TP73: variants seen among roughly 807,000 people sequenced by gnomAD.
TP73 encodes tumor protein p73.
Under a neutral mutation model 62.5 loss-of-function variants are expected in TP73, and 25 were observed. That is an observed-to-expected ratio of 0.40 (90% CI 0.29 to 0.56). The LOEUF (loss-of-function observed/expected upper bound fraction) is 0.56. TP73 is among the 20% of genes least tolerant of loss of function. The probability of loss-of-function intolerance (pLI) is 0.46; values close to 1 mark genes in which losing one functional copy is unlikely to be tolerated. For synonymous variants in TP73, 423 were observed against 377.5 expected (o/e 1.12, Z -1.40); for missense variants, 754 against 913.3 (o/e 0.83, Z 2.25).
Position 3,701,187 on chromosome 1 carries a change from CCCCGACCCCTGTGAGCA to C in TP73, c.187-6359_187-6343del, listed in dbSNP as rs1364767315. On this transcript the variant is annotated intron_variant, in intron 3 of 13. Coordinates refer to ENST00000378295, the MANE Select transcript of TP73 (RefSeq NM_005427.4). The surrounding 1 kb of genome is among the most constrained non-coding windows in gnomAD (Gnocchi z 4.7). ...TGGACACCTCGGGGAACAGGAGAGA[CCCCGACCCCTGTGAGCA>C]CCTGCCCCCGAGAGCACCTGCTCTT... is the stretch of plus-strand genomic sequence containing the variant. Among the ~76,000 whole-genome samples the C allele has an allele frequency of 6.6e-6, 1 of 152,160 alleles. No individual in the cohort carries two copies. Among genetic ancestry groups the C allele is most frequent in the Admixed American group, 6.5e-5 (1 of 15,282 alleles).
chr1:3,733,228 A>T lies in TP73; in HGVS notation c.*149A>T, dbSNP rs933284764. ...GGTCCGGCCCATCCCCAGGCACCTC[A>T]CAGGCCCCAGGAAAGGCCCAGCCAC... On this transcript the variant is annotated 3_prime_UTR_variant, in exon 14 of 14. Coordinates refer to ENST00000378295, the MANE Select transcript of TP73 (RefSeq NM_005427.4). 3.1e-6 allele frequency: 3 copies of T among 980,546 alleles called. No individual in the cohort carries two copies. The highest frequency in any genetic ancestry group is 2.9e-6 in the Non-Finnish European group (2 of 683,954). The allele number at this position is 980,546 out of a possible 1,614,324, so 60.7% of individuals were successfully genotyped here. A position where few individuals can be genotyped will look rare whatever the true frequency, so the allele number is the denominator to read the frequency against.
In TP73 at chr1:3,707,726, C is replaced by T. The variant is rs770462171; in HGVS notation, c.364C>T (p.Pro122Ser). 6.2e-7 allele frequency: 1 copy of T among 1,613,300 alleles called. No homozygotes were observed. The highest frequency in any genetic ancestry group is 8.5e-7 in the Non-Finnish European group (1 of 1,179,956). ...APVIPSNTDYPGPHHFEVTFQ... is the reference protein window; with the variant it reads ...APVIPSNTDYSGPHHFEVTFQ... ...TGTCATCCCCTCCAACACCGACTAC[C>T]CCGGACCCCACCACTTTGAGGTCAC... Residue 122 changes from proline (P) to serine (S), a missense_variant, in exon 4 of 14, where the codon CCC (proline) becomes TCC (serine). Around this residue, in one of 3 missense-constraint regions of TP73, gnomAD observed 235 missense variants for 251.4 expected, o/e 0.93. Transcript: ENST00000378295.
At chr1:3,664,415 G>C (rs1645066742) in intron 1 of TP73, among the ~76,000 whole-genome samples, 2 of 152,242 alleles carry the variant, frequency 1.3e-5, no homozygotes, top group Admixed American at 1.3e-4. Context: ...GGGGAAGGCT[G>C]GGCTGAGGGG....
At chr1:3,690,468 C>T (rs532168063) in intron 3 of TP73, among the ~76,000 whole-genome samples, 2 of 152,278 alleles carry the variant, frequency 1.3e-5, no homozygotes, top group South Asian at 2.1e-4. Context: ...GGGCCTGGGG[C>T]CCCCCGAGCC....
chr1:3,685,143 G>A (rs1645620699), intron 3 of TP73, among the ~76,000 whole-genome samples: 1 of 152,178 alleles, frequency 6.6e-6, no homozygotes, highest in African/African-American at 2.4e-5. Context: ...CCCTGCAGAG[G>A]GCAGAAGGCC....
At chr1:3,726,802 T>C (rs1641669076) in intron 6 of TP73, among the ~76,000 whole-genome samples, 1 of 134,856 alleles carries the variant, frequency 7.4e-6, no homozygotes, top group African/African-American at 2.9e-5. Flanking sequence ...GGGTAGATAA[T>C]AAATGGGGGA....
chr1:3,660,987 CTT>C (rs746417424), intron 1 of TP73, among the ~76,000 whole-genome samples: 9 of 152,280 alleles, frequency 5.9e-5, no homozygotes, highest in South Asian at 4.1e-4. Flanking sequence ...TTCTGGAACT[CTT>C]ATATGAATAT....
At chr1:3,707,475 A>G in intron 3 of TP73, 74 bp from the exon 4 acceptor site, 1 of 1,542,932 alleles carries the variant, frequency 6.5e-7, no homozygotes, top group Non-Finnish European at 8.8e-7. Context: ...CTCCTGTAAC[A>G]GGACACCTCC....
intron 3 of TP73, among the ~76,000 whole-genome samples, chr1:3,693,761 A>G (rs1476138739): frequency 7.4e-6 from 1 of 134,924 alleles, no homozygotes; most frequent in Non-Finnish European, 1.6e-5. Flanking sequence ...TCCTCCCACA[A>G]TCCCACCCAT....
chr1:3,692,964 A>G (rs528840726), intron 3 of TP73, among the ~76,000 whole-genome samples: 2 of 152,180 alleles, frequency 1.3e-5, no homozygotes, highest in South Asian at 4.2e-4. Flanking sequence ...CTGTGCCATC[A>G]CTGTTTCTTT....
intron 3 of TP73, among the ~76,000 whole-genome samples, chr1:3,691,138 C>T (rs778880069): frequency 5.9e-5 from 9 of 152,096 alleles, no homozygotes; most frequent in Non-Finnish European, 8.8e-5. Flanking sequence ...CAAGCAGATT[C>T]GGGCTCCAAC....
intron 1 of TP73, among the ~76,000 whole-genome samples, chr1:3,676,437 C>T (rs1427525641): frequency 1.7e-5 from 2 of 117,178 alleles, no homozygotes; most frequent in East Asian, 2.5e-4. Context: ...AGGGAGAGGA[C>T]AGAGGAACAG....
intron 4 of TP73, among the ~76,000 whole-genome samples, chr1:3,711,030 A>G (rs1479716393): frequency 1.3e-5 from 2 of 152,298 alleles, no homozygotes; most frequent in South Asian, 2.1e-4. Flanking sequence ...GGGACCCTGC[A>G]TGGTGAGAGG....
Position 3,671,495 on chromosome 1 carries a change from G to A in TP73, c.-33-10838G>A, listed in dbSNP as rs537992151. On this transcript the variant is annotated intron_variant, in intron 1 of 13. Coordinates refer to ENST00000378295, the MANE Select transcript of TP73 (RefSeq NM_005427.4). ...TCTTGGGCTGACCCAGCCATCGTCG[G>A]GAGCCCCCTTCGTGACGGGGGCAAA... 6.6e-5 allele frequency among the ~76,000 whole-genome samples: 10 copies of A among 152,342 alleles called. No individual in the cohort carries two copies. In the East Asian group the frequency reaches 1.9e-3, roughly 29 times the overall value.
chr1:3,718,329 C>G (rs998733221), intron 4 of TP73, among the ~76,000 whole-genome samples: 2 of 152,242 alleles, frequency 1.3e-5, no homozygotes, highest in Non-Finnish European at 2.9e-5. Flanking sequence ...GCCCTGCACC[C>G]ACTTCGTAGC....
chr1:3,729,310 T>C lies in TP73; in HGVS notation c.1075-17T>C, dbSNP rs1641939198. On this transcript the variant is annotated splice_polypyrimidine_tract_variant and intron_variant, in intron 9 of 13. Transcript: ENST00000378295. Reference sequence around the variant, plus strand: ...GGTCTGGGGCACGTGGGCAGAGATCTGCTCCTCTGTGCTCAGGTGCGAGGC... The same window carrying C: ...GGTCTGGGGCACGTGGGCAGAGATCCGCTCCTCTGTGCTCAGGTGCGAGGC... 1 of 1,612,760 alleles carries C rather than the reference T, an allele frequency of 6.2e-7. No homozygotes were observed. The highest frequency in any genetic ancestry group is 1.3e-5 in the African/African-American group (1 of 74,940).
At chr1:3,680,087 TTCTCTCTGTCTCTCTGTCTCTGTC>T (rs1420174698) in intron 1 of TP73, among the ~76,000 whole-genome samples, 8 of 151,388 alleles carry the variant, frequency 5.3e-5, no homozygotes, top group African/African-American at 1.9e-4. Flanking sequence ...TTGTCCTTGT[TTCTCTCTGTCTCTCTGTCTCTGTC>T]TCTCTCTGTC....
chr1:3,681,786 G>C (rs147864338), intron 1 of TP73, among the ~76,000 whole-genome samples: 1 of 152,200 alleles, frequency 6.6e-6, no homozygotes, highest in Non-Finnish European at 1.5e-5. Context: ...GCCACCTCCA[G>C]GTCCCGGGCA....
intron 3 of TP73, among the ~76,000 whole-genome samples, chr1:3,706,749 G>GGGTCCC (rs1639688947): frequency 6.6e-6 from 1 of 152,056 alleles, no homozygotes; most frequent in African/African-American, 2.4e-5. Context: ...ATCCATGCTG[G>GGGTCCC]GGTCCCGGGG....
Sources: gnomAD v4.1 joint callset for allele counts (sites outside exome capture counted in the v4.1 genomes callset) on GRCh38, gnomAD v4.1.1 for gene constraint, gnomAD v4.1.1 regional missense constraint, Gnocchi (gnomAD v3.1) non-coding constraint, MANE v1.5 for transcripts, NCBI Gene and HGNC (gene_info 2026-07-23, HGNC 2026-07-21) for gene names.